The following SNTB2 variants were observed in gnomAD, a reference collection of about 807,000 sequenced individuals.
SNTB2 encodes syntrophin beta 2.
SNTB2 carries 34 observed loss-of-function variants against 46.2 expected under a neutral mutation model. That is an observed-to-expected ratio of 0.74 (90% CI 0.56 to 0.98). The LOEUF is 0.98. Ranked by LOEUF, SNTB2 falls within the 50% of genes least tolerant of loss-of-function variation. SNTB2 has a pLI of 0.00. For synonymous variants in SNTB2, 290 were observed against 312.6 expected (o/e 0.93, Z 0.76); for missense variants, 603 against 731.4 (o/e 0.82, Z 2.02).
At chr16:69,199,068 G>A (rs563557024) in intron 1 of SNTB2, among the ~76,000 whole-genome samples, 23 of 151,984 alleles carry the variant, frequency 1.5e-4, no homozygotes, top group African/African-American at 5.5e-4. Context: ...AGCTAATTTT[G>A]TATTTTTAGT....
chr16:69,216,653 C>T (rs907997372), intron 1 of SNTB2, among the ~76,000 whole-genome samples: 2 of 151,960 alleles, frequency 1.3e-5, no homozygotes, highest in African/African-American at 2.4e-5. Flanking sequence ...CCATTGTACT[C>T]CAGCCCCATG....
At chr16:69,294,741 T>TA (rs1419027515) in intron 5 of SNTB2, among the ~76,000 whole-genome samples, 1 of 151,190 alleles carries the variant, frequency 6.6e-6, no homozygotes, top group African/African-American at 2.4e-5. Context: ...TAAAATAAAA[T>TA]AAAATAAAAG....
Position 69,245,705 on chromosome 16 carries a change from T to C in SNTB2, c.684T>C (p.Ser228=). The change falls in exon 2 of 7, where the codon AGT becomes AGC. Residue 228 remains serine (S), a synonymous_variant. Coordinates refer to ENST00000336278, the MANE Select transcript of SNTB2 (RefSeq NM_006750.4). ...AAPQSPSFSG[S]EDSGSPKHQN... ...CCCAGTCACCAAGCTTTAGTGGCAG[T>C]GAGGACTCTGGTTCGCCAAAACACC... The C allele has an allele frequency of 2.5e-6, 4 of 1,614,028 alleles. No individual in the cohort carries two copies. The South Asian group carries it at 4.4e-5, about 18-fold the overall frequency.
chr16:69,274,692 C>A (rs2019718), intron 4 of SNTB2, among the ~76,000 whole-genome samples: 1 of 151,224 alleles, frequency 6.6e-6, no homozygotes, highest in African/African-American at 2.4e-5. Flanking sequence ...AGCTGGGTGC[C>A]ATGGCACGTG....
rs1001876561 is a variant in SNTB2 at position 69,187,418 on chromosome 16, C to T, written c.252C>T (p.Pro84=). The change falls in exon 1 of 7, where the codon CCC becomes CCT. Residue 84 remains proline (P), a synonymous_variant. Transcript: ENST00000336278. ...GCGGCGGCGCGGGCGACTCGCTGCC[C>T]GGGAGCCCAAGCCGCGGCCTGGGGC... ...PNGGGAGDSL[P]GSPSRGLGPP... is the part of the protein sequence containing the mutation. 69 of 1,222,586 alleles carry T rather than the reference C, an allele frequency of 5.6e-5. No homozygotes were observed. The highest frequency in any genetic ancestry group is 2.5e-4 in the African/African-American group (16 of 62,862). 75.7% of individuals were successfully genotyped at this position (1,222,586 alleles called of 1,614,324 possible).
intron 3 of SNTB2, among the ~76,000 whole-genome samples, chr16:69,266,942 C>A (rs939433388): frequency 6.6e-6 from 1 of 152,124 alleles, no homozygotes; most frequent in Non-Finnish European, 1.5e-5. Flanking sequence ...AAGTGATCTG[C>A]CCACTTGGGC....
At chr16:69,255,854 G>A (rs1008254433) in intron 2 of SNTB2, among the ~76,000 whole-genome samples, 7 of 149,736 alleles carry the variant, frequency 4.7e-5, no homozygotes, top group African/African-American at 1.7e-4. Flanking sequence ...TCCAGCCCGG[G>A]CAACAAGAGG....
intron 1 of SNTB2, among the ~76,000 whole-genome samples, chr16:69,238,967 GCCGTACATGGT>G (rs1432861196): frequency 6.6e-6 from 1 of 152,052 alleles, no homozygotes; most frequent in African/African-American, 2.4e-5. Context: ...GACCTAAAAG[GCCGTACATGGT>G]CTGCCTCCCA....
intron 1 of SNTB2, among the ~76,000 whole-genome samples, chr16:69,220,323 G>A (rs372682281): frequency 2.2e-4 from 33 of 150,124 alleles, no homozygotes; most frequent in Non-Finnish European, 3.1e-4. Flanking sequence ...CACCACACCC[G>A]GCTAATTTTT....
intron 1 of SNTB2, among the ~76,000 whole-genome samples, chr16:69,225,228 C>G (rs1342243662): frequency 6.6e-6 from 1 of 152,216 alleles, no homozygotes; most frequent in African/African-American, 2.4e-5. Flanking sequence ...AGTGGTGACT[C>G]TAACTGGATG....
At chr16:69,193,315 A>G (rs1220530400) in intron 1 of SNTB2, among the ~76,000 whole-genome samples, 5 of 136,032 alleles carry the variant, frequency 3.7e-5, no homozygotes, top group Non-Finnish European at 7.9e-5. Context: ...CAGATGGTAT[A>G]GACTTTTTTT....
intron 4 of SNTB2, among the ~76,000 whole-genome samples, chr16:69,275,741 C>T (rs1964980729): frequency 3.9e-5 from 6 of 152,108 alleles, no homozygotes. Context: ...ATTGTTAATA[C>T]TTTGGACCAT....
At chr16:69,256,022 C>T (rs1008306949) in intron 2 of SNTB2, among the ~76,000 whole-genome samples, 1 of 151,900 alleles carries the variant, frequency 6.6e-6, no homozygotes, top group African/African-American at 2.4e-5. Flanking sequence ...CCCGTCTCTA[C>T]TAAAAGTACA....
intron 1 of SNTB2, among the ~76,000 whole-genome samples, chr16:69,205,560 T>G (rs1332006523): frequency 1.3e-5 from 2 of 152,096 alleles, no homozygotes; most frequent in African/African-American, 4.8e-5. Context: ...ATAAAGGTCT[T>G]CAGTTTTAGT....
intron 2 of SNTB2, among the ~76,000 whole-genome samples, chr16:69,247,068 A>ATG (rs1964677807): frequency 6.8e-6 from 1 of 146,606 alleles, no homozygotes; most frequent in Admixed American, 6.8e-5. Flanking sequence ...ATATATATAT[A>ATG]TTAAAAAAAA....
At chr16:69,243,020 T>TAAA (rs371176390) in intron 1 of SNTB2, among the ~76,000 whole-genome samples, 10 of 96,066 alleles carry the variant, frequency 1.0e-4, no homozygotes, top group Non-Finnish European at 1.7e-4. Context: ...GACTGCATCT[T>TAAA]AAAAAAAAAA....
In SNTB2 at chr16:69,187,698, C is replaced by T; in HGVS notation, c.532C>T (p.Gln178Ter). The change falls in exon 1 of 7, where the codon CAG (glutamine) becomes TAG (stop). Residue 178 changes from glutamine (Q) to a stop codon, truncating the protein, a stop_gained. Transcript: ENST00000336278. LOFTEE classifies it high-confidence loss of function. ...GTDLRQATHD[Q>*]AVQALKRAGK... Reference sequence around the variant, plus strand: ...CGACCTGCGCCAGGCCACCCACGACCAGGCCGTGCAGGCGCTGAAGCGCGC... The same window carrying T: ...CGACCTGCGCCAGGCCACCCACGACTAGGCCGTGCAGGCGCTGAAGCGCGC... The T allele has an allele frequency of 6.5e-7, 1 of 1,529,076 alleles. No homozygotes were observed. The highest frequency in any genetic ancestry group is 8.7e-7 in the Non-Finnish European group (1 of 1,145,876). The allele number at this position is 1,529,076 out of a possible 1,614,324, so 94.7% of individuals were successfully genotyped here.
At chr16:69,295,548 A>G (rs751643079) in intron 5 of SNTB2, among the ~76,000 whole-genome samples, 5 of 152,006 alleles carry the variant, frequency 3.3e-5, no homozygotes, top group Non-Finnish European at 7.4e-5. Context: ...GCGCCCAGCC[A>G]ACATACTGAA....
chr16:69,247,437 T>C (rs1310278619), intron 2 of SNTB2, among the ~76,000 whole-genome samples: 2 of 152,198 alleles, frequency 1.3e-5, no homozygotes, highest in Admixed American at 1.3e-4. Context: ...TTTTATAATG[T>C]GTTTTCACTA....
Sources: allele counts gnomAD v4.1 joint callset (sites outside exome capture counted in the v4.1 genomes callset), GRCh38; gene constraint gnomAD v4.1.1; transcripts MANE v1.5; gene names NCBI Gene and HGNC (gene_info 2026-07-23, HGNC 2026-07-21).